Variants in LPP observed in about 807,000 individuals in gnomAD.
LPP encodes lipoma-preferred partner.
In LPP, 38 loss-of-function variants were observed where a neutral mutation model predicts 60.4. The observed-to-expected ratio is 0.63, with a 90% CI of 0.49 to 0.83. The LOEUF (loss-of-function observed/expected upper bound fraction) is 0.83. Among genes scored for constraint, LPP ranks in the 40% least tolerant of loss-of-function variants. The pLI is 0.00. For missense variants in LPP, 902 were observed against 783.6 expected (o/e 1.15, Z -1.80); for synonymous variants, 328 against 290.8 (o/e 1.13, Z -1.30).
At chr3:188,823,927 A>G (rs1175362278) in intron 9 of LPP, among the ~76,000 whole-genome samples, 1 of 152,182 alleles carries the variant, frequency 6.6e-6, no homozygotes, top group Non-Finnish European at 1.5e-5. Flanking sequence ...GCTGATTCTC[A>G]AAACCATTAG....
chr3:188,502,936 A>T (rs1205262534), intron 5 of LPP, among the ~76,000 whole-genome samples: 4 of 152,124 alleles, frequency 2.6e-5, no homozygotes. Flanking sequence ...ATGAATGTGT[A>T]TCACTTTTAC....
At chr3:188,593,811 T>G (rs1347636115) in intron 6 of LPP, among the ~76,000 whole-genome samples, 1 of 152,224 alleles carries the variant, frequency 6.6e-6, no homozygotes, top group South Asian at 2.1e-4. Flanking sequence ...CCACTGTATA[T>G]GTATACACCG....
chr3:188,592,563 T>TTTTTTTTG, intron 6 of LPP, among the ~76,000 whole-genome samples: 1 of 77,252 alleles, frequency 1.3e-5, no homozygotes, highest in Admixed American at 1.3e-4. Flanking sequence ...TTTTGTTTTT[T>TTTTTTTTG]AAATGGAGTC....
At chr3:188,359,409 G>C (rs930158747) in intron 3 of LPP, among the ~76,000 whole-genome samples, 8 of 152,172 alleles carry the variant, frequency 5.3e-5, no homozygotes, top group Non-Finnish European at 1.2e-4. Flanking sequence ...AAGAACTCTA[G>C]CTGGCTGCCC....
intron 2 of LPP, among the ~76,000 whole-genome samples, chr3:188,336,546 G>C (rs1455702801): frequency 6.6e-6 from 1 of 152,184 alleles, no homozygotes; most frequent in Admixed American, 6.5e-5. Context: ...TTGACCCCTG[G>C]ATGTTGGGAC....
chr3:188,600,955 T>C (rs1015279708), intron 6 of LPP, among the ~76,000 whole-genome samples: 1 of 152,108 alleles, frequency 6.6e-6, no homozygotes, highest in Admixed American at 6.6e-5. Flanking sequence ...TAGATAGATA[T>C]AGATGTGTGT....
At chr3:188,210,429 G>C (rs1734396381) in intron 1 of LPP, among the ~76,000 whole-genome samples, 2 of 152,204 alleles carry the variant, frequency 1.3e-5, no homozygotes, top group Admixed American at 1.3e-4. Context: ...GTGTAAGGAA[G>C]AACTTTCTGA....
chr3:188,743,467 A>G (rs868287012), intron 8 of LPP, among the ~76,000 whole-genome samples: 9 of 152,116 alleles, frequency 5.9e-5, no homozygotes, highest in Non-Finnish European at 1.2e-4. Flanking sequence ...CTCAAGAGTA[A>G]GAGAGTAGCC....
At chr3:188,455,525 G>A (rs1226725470) in intron 4 of LPP, among the ~76,000 whole-genome samples, 1 of 152,164 alleles carries the variant, frequency 6.6e-6, no homozygotes, top group African/African-American at 2.4e-5. Flanking sequence ...TTGATATCAT[G>A]TGTGACATTT....
At chr3:188,371,766 T>A (rs1773322531) in intron 3 of LPP, among the ~76,000 whole-genome samples, 1 of 145,980 alleles carries the variant, frequency 6.9e-6, no homozygotes, top group Admixed American at 6.9e-5. Flanking sequence ...ACGATTCTCC[T>A]GCCTCAGCCT....
At chr3:188,563,474 G>GTGTT (rs1553929592) in intron 6 of LPP, among the ~76,000 whole-genome samples, 10 of 149,030 alleles carry the variant, frequency 6.7e-5, no homozygotes, top group African/African-American at 1.2e-4. Context: ...GTGTGTGTGT[G>GTGTT]TGTGTGTGTG....
intron 1 of LPP, among the ~76,000 whole-genome samples, chr3:188,200,953 CTTAAT>C (rs1730921133): frequency 6.6e-6 from 1 of 152,068 alleles, no homozygotes; most frequent in Non-Finnish European, 1.5e-5. Context: ...AATATATAAA[CTTAAT>C]ATAATTAATA....
chr3:188,632,943 T>C (rs1387290649), intron 7 of LPP, among the ~76,000 whole-genome samples: 1 of 152,126 alleles, frequency 6.6e-6, no homozygotes, highest in African/African-American at 2.4e-5. Context: ...CATAGAAGCA[T>C]GGCCTTCTTT....
intron 7 of LPP, among the ~76,000 whole-genome samples, chr3:188,690,761 A>C (rs1017445109): frequency 4.6e-5 from 7 of 152,200 alleles, no homozygotes; most frequent in Admixed American, 4.6e-4. Context: ...AGACCCAGAC[A>C]GACTCAGACT....
intron 8 of LPP, among the ~76,000 whole-genome samples, chr3:188,716,827 G>A (rs1012697202): frequency 6.6e-6 from 1 of 152,162 alleles, no homozygotes; most frequent in Admixed American, 6.5e-5. Context: ...CATAAGTGCT[G>A]TCCAATTCTA....
chr3:188,505,052 T>C (rs1288978621), intron 5 of LPP, among the ~76,000 whole-genome samples: 1 of 152,144 alleles, frequency 6.6e-6, no homozygotes, highest in East Asian at 1.9e-4. Flanking sequence ...GGGGTATAGG[T>C]AGTTGCTATT....
intron 2 of LPP, among the ~76,000 whole-genome samples, chr3:188,291,493 A>G (rs1745922808): frequency 2.0e-5 from 3 of 151,810 alleles, no homozygotes; most frequent in Admixed American, 2.0e-4. Context: ...GAAAGAAAAA[A>G]AAATTAGCCG....
At chr3:188,527,522 G>A (rs1421796796) in intron 6 of LPP, among the ~76,000 whole-genome samples, 1 of 152,096 alleles carries the variant, frequency 6.6e-6, no homozygotes, top group Non-Finnish European at 1.5e-5. Flanking sequence ...AAGGAACATA[G>A]GAAATAAGAC....
At chr3:188,538,501 C>T (rs1386360688) in intron 6 of LPP, among the ~76,000 whole-genome samples, 4 of 152,114 alleles carry the variant, frequency 2.6e-5, no homozygotes, top group Admixed American at 6.5e-5. Flanking sequence ...TATCACTTCA[C>T]GCTCACTAAG....
Sources: gnomAD v4.1 joint callset for allele counts (sites outside exome capture counted in the v4.1 genomes callset) on GRCh38, gnomAD v4.1.1 for gene constraint, MANE v1.5 for transcripts, NCBI Gene and HGNC (gene_info 2026-07-23, HGNC 2026-07-21) for gene names.